The following WDR20 variants were observed in gnomAD, a reference collection of about 807,000 sequenced individuals.
WDR20 encodes the protein WD repeat-containing protein 20.
Under a neutral mutation model 38.7 loss-of-function variants are expected in WDR20, and 3 were observed. The ratio of observed to expected loss-of-function variants is 0.08; its 90% CI spans 0.04 to 0.20. WDR20 has a LOEUF of 0.20. Among genes scored for constraint, WDR20 ranks in the 10% least tolerant of loss-of-function variants. The pLI, the probability that WDR20 is intolerant of heterozygous loss-of-function variation, is 1.00. For synonymous variants in WDR20, 298 were observed against 285.6 expected (o/e 1.04, Z -0.44); for missense variants, 559 against 727.7 (o/e 0.77, Z 2.67).
chr14:102,193,001 A>G (rs947589323), intron 1 of WDR20, among the ~76,000 whole-genome samples: 66 of 151,588 alleles, frequency 4.4e-4, no homozygotes, highest in Admixed American at 2.6e-4. Flanking sequence ...AGCAAACTAA[A>G]AAAAAAAAAA....
rs778553195 is a variant in WDR20 at position 102,208,041 on chromosome 14, T to C, written c.433-562T>C. Among the ~76,000 whole-genome samples, 4 of 152,136 alleles carry C rather than the reference T, an allele frequency of 2.6e-5. No individual in the cohort carries two copies. The highest frequency in any genetic ancestry group is 4.4e-5 in the Non-Finnish European group (3 of 68,022). ...CCAGGCTCTGTTTTGGAGTTGTGTG[T>C]GCTGCCAGCCATGGACTGTGGATTT... On this transcript the variant is annotated intron_variant, in intron 2 of 2. Coordinates refer to ENST00000342702, the MANE Select transcript of WDR20 (RefSeq NM_144574.4). This position sits in a 1 kb window ranked among gnomAD's most constrained non-coding sequence, Gnocchi z 5.6.
At chr14:102,153,158 T>TG (rs2152731801) in intron 1 of WDR20, among the ~76,000 whole-genome samples, 1 of 152,230 alleles carries the variant, frequency 6.6e-6, no homozygotes, top group South Asian at 2.1e-4. Context: ...GTCTCCCTCT[T>TG]GCACCTTCTT....
At chr14:102,195,793 AT>A (rs2059314415) in intron 2 of WDR20, 1 of 152,234 alleles carries the variant, frequency 6.6e-6, no homozygotes, top group Non-Finnish European at 1.5e-5. Flanking sequence ...CAAGTAGATT[AT>A]ATTTTTTAAA....
rs148049622 is a variant in WDR20, at chr14:102,163,393, C to T, written c.249+23221C>T. On this transcript the variant is annotated intron_variant, in intron 1 of 2. Coordinates refer to ENST00000342702, the MANE Select transcript of WDR20 (RefSeq NM_144574.4). ...CTGTAATCCCAGCACTTTGTGAGGC[C>T]GAGGCGGGCGGATCACCTGAGGTCA... 7.5e-3 allele frequency among the ~76,000 whole-genome samples: 1,139 copies of T among 152,024 alleles called. 22 individuals carry two copies. Among genetic ancestry groups the T allele is most frequent in the African/African-American group, 0.026 (1,066 of 41,410 alleles).
intron 1 of WDR20, among the ~76,000 whole-genome samples, chr14:102,141,126 G>A (rs1566759651): frequency 6.6e-6 from 1 of 152,160 alleles, no homozygotes; most frequent in Admixed American, 6.5e-5. Context: ...TTTTCACTGA[G>A]AATTGCTTAT....
chr14:102,189,818 T>A (rs1305669860), intron 1 of WDR20, among the ~76,000 whole-genome samples: 6 of 152,338 alleles, frequency 3.9e-5, no homozygotes, highest in Middle Eastern at 3.4e-3. Context: ...TTATTTTAAT[T>A]GATTATAACA....
chr14:102,139,661 A>C (rs950477679), upstream of WDR20: 13 of 648,088 alleles, frequency 2.0e-5, no homozygotes, highest in African/African-American at 2.0e-4. Flanking sequence ...CCTGGGAAGC[A>C]GCCATGCCGC....
downstream of WDR20, among the ~76,000 whole-genome samples, chr14:102,216,565 GTTTTT>G (rs753698055): frequency 1.3e-5 from 2 of 152,120 alleles, no homozygotes; most frequent in Admixed American, 1.3e-4. Context: ...AGCAAGTTTT[GTTTTT>G]TTAAGAAAAC....
At chr14:102,194,119 G>A (rs1318043982) in intron 1 of WDR20, among the ~76,000 whole-genome samples, 1 of 152,204 alleles carries the variant, frequency 6.6e-6, no homozygotes, top group Non-Finnish European at 1.5e-5. Flanking sequence ...AGGTAGGTAT[G>A]GTGACGTTGG....
intron 1 of WDR20, among the ~76,000 whole-genome samples, chr14:102,158,951 C>CT (rs1050837225): frequency 6.6e-5 from 10 of 150,616 alleles, no homozygotes; most frequent in African/African-American, 9.8e-5. Flanking sequence ...CATTTTCTTT[C>CT]TTTTTTTTTA....
intron 2 of WDR20, among the ~76,000 whole-genome samples, chr14:102,206,493 T>C (rs1034325900): frequency 2.0e-5 from 3 of 152,224 alleles, no homozygotes; most frequent in African/African-American, 7.2e-5. Flanking sequence ...CTCCTAACCG[T>C]GCTGCTAGAA....
At chr14:102,216,911 C>T (rs143377343), downstream of WDR20, among the ~76,000 whole-genome samples, 706 of 152,196 alleles carry the variant, frequency 4.6e-3, 6 homozygotes, top group African/African-American at 0.016. Flanking sequence ...CCAGCCTGGG[C>T]GACAGAGCGA....
chr14:102,186,672 C>G (rs1184642087), intron 1 of WDR20, among the ~76,000 whole-genome samples: 1 of 151,986 alleles, frequency 6.6e-6, no homozygotes, highest in African/African-American at 2.4e-5. Flanking sequence ...CCACCAAGGG[C>G]CGGGCGCAGT....
chr14:102,204,478 A>G (rs751081960), intron 2 of WDR20, among the ~76,000 whole-genome samples: 12 of 152,118 alleles, frequency 7.9e-5, no homozygotes, highest in Non-Finnish European at 1.6e-4. Context: ...CTGTCTTCTC[A>G]TCCCACTTGA....
At chr14:102,195,146 T>G (rs2059194870) in intron 2 of WDR20, 26 bp downstream of exon 2, 1 of 1,610,058 alleles carries the variant, frequency 6.2e-7, no homozygotes, top group Non-Finnish European at 8.5e-7. Flanking sequence ...TCTTAGCTGT[T>G]AAGAATCCCT....
chr14:102,150,681 C>T (rs2055474336), intron 1 of WDR20, among the ~76,000 whole-genome samples: 1 of 152,174 alleles, frequency 6.6e-6, no homozygotes, highest in East Asian at 1.9e-4. Flanking sequence ...AGAGCTCTGT[C>T]TTGCCTTAAT....
At chr14:102,190,876 C>T (rs984254403) in intron 1 of WDR20, among the ~76,000 whole-genome samples, 25 of 151,954 alleles carry the variant, frequency 1.6e-4, no homozygotes, top group African/African-American at 6.0e-4. Context: ...TGGTGCATGC[C>T]TGTAATCCCA....
Position 102,169,592 on chromosome 14 carries a change from C to G in WDR20, c.250-25346C>G, listed in dbSNP as rs189466740. The stretch of plus-strand genomic sequence containing the variant: ...TGTCTCCCAGGCTGGAGTGCAATGG[C>G]GTAATGCTCACTGCAAGCTCTGCCT... On this transcript the variant is annotated intron_variant, in intron 1 of 2. Coordinates refer to ENST00000342702, the MANE Select transcript of WDR20 (RefSeq NM_144574.4). Among the ~76,000 whole-genome samples, 3 of 152,098 alleles carry G rather than the reference C, an allele frequency of 2.0e-5. No homozygotes were observed. In the East Asian group the frequency reaches 5.8e-4, roughly 29 times the overall value.
downstream of WDR20, chr14:102,213,981 G>C (rs2062885312): frequency 4.1e-6 from 4 of 985,418 alleles, no homozygotes; most frequent in South Asian, 9.4e-5. Flanking sequence ...CTGGCGTCCA[G>C]CTTTGTGGGT....
Sources: gnomAD v4.1 joint callset for allele counts (sites outside exome capture counted in the v4.1 genomes callset) on GRCh38, gnomAD v4.1.1 for gene constraint, Gnocchi (gnomAD v3.1) non-coding constraint, MANE v1.5 for transcripts, NCBI Gene and HGNC (gene_info 2026-07-23, HGNC 2026-07-21) for gene names.